Variants in DGCR8 observed in about 807,000 individuals in gnomAD.
The protein encoded by DGCR8 is DGCR8 microprocessor complex subunit.
In DGCR8, 14 loss-of-function variants were observed where a neutral mutation model predicts 78.5. The observed-to-expected ratio is 0.18, with a 90% CI of 0.12 to 0.28. The LOEUF (loss-of-function observed/expected upper bound fraction) is 0.28. Among genes scored for constraint, DGCR8 ranks in the 10% least tolerant of loss-of-function variants. The pLI, the probability that DGCR8 is intolerant of heterozygous loss-of-function variation, is 1.00. For missense variants in DGCR8, 702 were observed against 1,022.5 expected (o/e 0.69, Z 4.28); for synonymous variants, 399 against 402.4 (o/e 0.99, Z 0.10).
intron 1 of DGCR8, chr22:20,080,628 G>A: frequency 2.7e-6 from 1 of 371,438 alleles, no homozygotes; most frequent in Non-Finnish European, 3.7e-6. Flanking sequence ...GTCCGCCCGG[G>A]TAAAGAGGCT....
intron 9 of DGCR8, among the ~76,000 whole-genome samples, chr22:20,104,419 G>A (rs1057329988): frequency 2.6e-5 from 4 of 151,672 alleles, no homozygotes; most frequent in African/African-American, 7.3e-5. Flanking sequence ...CACCCGCCTC[G>A]GCCTCCCAAA....
rs765262070 is a variant in DGCR8, at chr22:20,086,701, C to T, written c.720+18C>T. ...CCTACGAGGTATGTTGGCAGCCCCT[C>T]CTCTAGAGGGCTCTTAGCAAAACCC... On this transcript the variant is annotated intron_variant, in intron 2 of 13. Coordinates refer to ENST00000351989, the MANE Select transcript of DGCR8 (RefSeq NM_022720.7). This position sits in a 1 kb window ranked among gnomAD's most constrained non-coding sequence, Gnocchi z 6.4. 6.9e-6 allele frequency: 11 copies of T among 1,587,062 alleles called. No individual in the cohort carries two copies. The highest frequency in any genetic ancestry group is 2.2e-5 in the East Asian group (1 of 44,642).
intron 8 of DGCR8, 113 bp from the exon 9 acceptor site, chr22:20,094,600 T>G (rs917846895): frequency 1.7e-4 from 163 of 940,410 alleles, no homozygotes; most frequent in Non-Finnish European, 2.5e-4. Context: ...CTCAGGGCCC[T>G]CGCTCAGCCT....
At chr22:20,107,621 G>T in intron 12 of DGCR8, 1 of 571,096 alleles carries the variant, frequency 1.8e-6, no homozygotes, top group Non-Finnish European at 3.1e-6. Context: ...TGGGTGATTG[G>T]GAACGCAGGC....
rs2049498840 is a variant in DGCR8 at position 20,087,355 on chromosome 22, AG to A, written c.880+37del. The A allele has an allele frequency of 6.4e-7, 1 of 1,563,660 alleles. No homozygotes were observed. Among genetic ancestry groups the A allele is most frequent in the Non-Finnish European group, 8.7e-7 (1 of 1,149,368 alleles). On this transcript the variant is annotated intron_variant, in intron 3 of 13. Coordinates refer to ENST00000351989, the MANE Select transcript of DGCR8 (RefSeq NM_022720.7). The surrounding 1 kb of genome is among the most constrained non-coding windows in gnomAD (Gnocchi z 4.1). ...GTGGGTCAGAAGCAGTGGGTGTTCC[AG>A]GGCAGTGGAGGGGTGGTTGCTTCCT...
In DGCR8 at chr22:20,111,427, C is replaced by A; in HGVS notation, c.*1319C>A. 2.5e-6 allele frequency: 1 copy of A among 397,926 alleles called. No homozygotes were observed. Among genetic ancestry groups the A allele is most frequent in the Non-Finnish European group, 4.4e-6 (1 of 225,972 alleles). The allele number at this position is 397,926 out of a possible 1,614,324, so 24.6% of individuals were successfully genotyped here. A position where few individuals can be genotyped will look rare whatever the true frequency, so the allele number is the denominator to read the frequency against. On this transcript the variant is annotated 3_prime_UTR_variant, in exon 14 of 14. Coordinates refer to ENST00000351989, the MANE Select transcript of DGCR8 (RefSeq NM_022720.7). ...TGTGGGCCGCCCACAACATATCCTT[C>A]CCTCACTACCTGTGTGACCAAGGTT... is the stretch of plus-strand genomic sequence containing the variant.
Position 20,094,735 on chromosome 22 carries a change from C to T in DGCR8, c.1728C>T (p.Leu576=), listed in dbSNP as rs777754452. The part of the protein sequence containing the change: ...NKAARATLEI[L]IPDFVKQTSE... ...TAGCCCGAGCTACACTGGAAATCCT[C>T]ATCCCTGACTTTGTTAAACAGACCT... The change falls in exon 9 of 14, where the codon CTC becomes CTT. Residue 576 remains leucine, a synonymous_variant. Transcript: ENST00000351989. 1.9e-6 allele frequency: 3 copies of T among 1,614,200 alleles called. No homozygotes were observed. Among genetic ancestry groups the T allele is most frequent in the South Asian group, 1.1e-5 (1 of 91,078 alleles).
At chr22:20,092,501 T>C (rs1401356480) in intron 7 of DGCR8, among the ~76,000 whole-genome samples, 2 of 152,228 alleles carry the variant, frequency 1.3e-5, no homozygotes, top group African/African-American at 4.8e-5. Flanking sequence ...CCGGCAGTCC[T>C]GTGTCCGTCT....
In DGCR8 at chr22:20,080,375, G is replaced by T; in HGVS notation, c.-286G>T. The T allele has an allele frequency of 1.0e-6, 1 of 967,800 alleles. No homozygotes were observed. Among genetic ancestry groups the T allele is most frequent in the Non-Finnish European group, 1.2e-6 (1 of 823,542 alleles). 60.0% of individuals were successfully genotyped at this position (967,800 alleles called of 1,614,324 possible). On this transcript the variant is annotated 5_prime_UTR_variant, in exon 1 of 14. Coordinates refer to ENST00000351989, the MANE Select transcript of DGCR8 (RefSeq NM_022720.7). ...TGCGGGCGGCTTGGGCAGCCCGCGG[G>T]CGCCTCAGGTAGGTGCGGGGCGCGA...
chr22:20,093,426 T>C (rs1375345672), intron 8 of DGCR8, among the ~76,000 whole-genome samples: 1 of 151,158 alleles, frequency 6.6e-6, no homozygotes, highest in Admixed American at 6.6e-5. Context: ...GTAGAAGGCC[T>C]CTCTACTGAG....
intron 12 of DGCR8, 117 bp from the exon 13 acceptor site, chr22:20,108,773 G>A: frequency 6.9e-6 from 1 of 144,046 alleles, no homozygotes; most frequent in Admixed American, 1.8e-4. Context: ...GCTGTTTCGT[G>A]TCTGCCAGAC....
chr22:20,093,853 T>C (rs2049595315), intron 8 of DGCR8, among the ~76,000 whole-genome samples: 1 of 152,234 alleles, frequency 6.6e-6, no homozygotes, highest in Admixed American at 6.5e-5. Context: ...GTTGGCTTCT[T>C]GTAGGGTGGT....
intron 5 of DGCR8, 125 bp downstream of exon 5, chr22:20,090,383 C>T (rs2049541255): frequency 1.7e-6 from 2 of 1,152,910 alleles, no homozygotes; most frequent in Non-Finnish European, 2.4e-6. Flanking sequence ...TGCACCTCCA[C>T]TGTTGGTGTG....
In DGCR8 at chr22:20,107,205, G is replaced by T; in HGVS notation, c.1997-66G>T. ...GTGTGGGTCAGGAGGGCTGGGAGCGGCAGGGGGCCCCATGAGCACTGGGTG... is the reference window on the plus strand; with the variant it reads ...GTGTGGGTCAGGAGGGCTGGGAGCGTCAGGGGGCCCCATGAGCACTGGGTG... On this transcript the variant is annotated intron_variant, in intron 11 of 13. Transcript: ENST00000351989. 3 of 1,602,672 alleles carry T rather than the reference G, an allele frequency of 1.9e-6. No homozygotes were observed. In the South Asian group the frequency reaches 3.3e-5, roughly 18 times the overall value.
At chr22:20,105,599 C>G (rs1180806755) in intron 9 of DGCR8, among the ~76,000 whole-genome samples, 2 of 152,242 alleles carry the variant, frequency 1.3e-5, no homozygotes, top group Non-Finnish European at 2.9e-5. Context: ...GTCTGCCTCT[C>G]TTGTCCTTCC....
chr22:20,106,788 C>A, intron 11 of DGCR8, 90 bp downstream of exon 11: 1 of 912,244 alleles, frequency 1.1e-6, no homozygotes, highest in Non-Finnish European at 1.8e-6. Flanking sequence ...TCAGCTGTTG[C>A]CCTGGCATTG....
At position 20,111,293 on chromosome 22, in the gene DGCR8, T is replaced by C. The variant is rs1946647229; in HGVS notation, c.*1185T>C. 1 of 398,454 alleles carries C rather than the reference T, an allele frequency of 2.5e-6. No homozygotes were observed. Among genetic ancestry groups the C allele is most frequent in the African/African-American group, 2.1e-5 (1 of 48,506 alleles). The allele number at this position is 398,454 out of a possible 1,614,324, so 24.7% of individuals were successfully genotyped here. On this transcript the variant is annotated 3_prime_UTR_variant, in exon 14 of 14. Transcript: ENST00000351989. ...AGTGCCGTGTGCTTGTGGTGCGCCA[T>C]CTGAAGCAAGAGTCCAGCGTTCTGC... is the stretch of plus-strand genomic sequence containing the variant.
chr22:20,094,834 G>A (rs1482517529), intron 9 of DGCR8, 39 bp downstream of exon 9: 2 of 1,580,654 alleles, frequency 1.3e-6, no homozygotes, highest in Admixed American at 3.3e-5. Flanking sequence ...AGCTGTGTGT[G>A]CAGTGCGGCT....
chr22:20,094,060 C>T (rs575681193), intron 8 of DGCR8, among the ~76,000 whole-genome samples: 13 of 152,304 alleles, frequency 8.5e-5, no homozygotes, highest in African/African-American at 2.9e-4. Flanking sequence ...ATGCCTTGGG[C>T]GTGGCTGTGT....
Sources: allele counts gnomAD v4.1 joint callset (sites outside exome capture counted in the v4.1 genomes callset), GRCh38; gene constraint gnomAD v4.1.1; non-coding constraint Gnocchi (gnomAD v3.1); transcripts MANE v1.5; gene names NCBI Gene and HGNC (gene_info 2026-07-23, HGNC 2026-07-21).